Variants in ENTPD1 observed in about 807,000 individuals in gnomAD.
ENTPD1 encodes ectonucleoside triphosphate diphosphohydrolase 1.
In ENTPD1, 33 loss-of-function variants were observed where a neutral mutation model predicts 57.0. The observed-to-expected ratio is 0.58, with a 90% CI of 0.44 to 0.77. The LOEUF is 0.77. ENTPD1 is among the 30% of genes least tolerant of loss of function. The probability of loss-of-function intolerance (pLI) is 0.00; values close to 1 mark genes in which losing one functional copy is unlikely to be tolerated. For synonymous variants in ENTPD1, 202 were observed against 218.8 expected (o/e 0.92, Z 0.68); for missense variants, 501 against 603.4 (o/e 0.83, Z 1.78).
At chr10:95,801,642 T>C (rs1308587493) in intron 1 of ENTPD1, among the ~76,000 whole-genome samples, 1 of 152,090 alleles carries the variant, frequency 6.6e-6, no homozygotes, top group Non-Finnish European at 1.5e-5. Flanking sequence ...TCTCTGCTTA[T>C]TGTAACCTCT....
the ENTPD1 span, among the ~76,000 whole-genome samples, chr10:95,703,872 C>T: frequency 6.6e-6 from 1 of 151,204 alleles, no homozygotes; most frequent in Non-Finnish European, 1.5e-5. Flanking sequence ...GGGTGGATCC[C>T]CTGAGGTCAG....
chr10:95,702,674 A>G, the ENTPD1 span, among the ~76,000 whole-genome samples: 9 of 152,254 alleles, frequency 5.9e-5, no homozygotes, highest in African/African-American at 2.2e-4. Context: ...GATAAATTTA[A>G]AAGAAAATAA....
intron 8 of ENTPD1, among the ~76,000 whole-genome samples, chr10:95,863,514 AATCAAAGG>A (rs2098468916): frequency 6.6e-6 from 1 of 152,236 alleles, no homozygotes; most frequent in Non-Finnish European, 1.5e-5. Context: ...CAGAGGAATC[AATCAAAGG>A]ATAATTTCCA....
rs575356289 is a variant in ENTPD1 at position 95,820,744 on chromosome 10, A to T, written c.17-2493A>T. Among the ~76,000 whole-genome samples the T allele has an allele frequency of 2.0e-5, 3 of 152,218 alleles. No individual in the cohort carries two copies. In the East Asian group the frequency reaches 5.8e-4, roughly 29 times the overall value. On this transcript the variant is annotated intron_variant, in intron 1 of 9. Transcript: ENST00000371205. ...CACTCTATCAAGTTCCTTGGTTTGA[A>T]TTTCTTCTTAGCACATATTGTGACC...
intron 2 of ENTPD1, among the ~76,000 whole-genome samples, chr10:95,824,588 T>C (rs1270351124): frequency 6.6e-6 from 1 of 152,214 alleles, no homozygotes; most frequent in Non-Finnish European, 1.5e-5. Context: ...TGAAGCCTCA[T>C]GACATCTTGG....
At chr10:95,853,967 C>T (rs1222388408) in intron 7 of ENTPD1, among the ~76,000 whole-genome samples, 3 of 152,168 alleles carry the variant, frequency 2.0e-5, no homozygotes, top group African/African-American at 7.2e-5. Flanking sequence ...AGGGCAGATT[C>T]CCTCTTTTTC....
chr10:95,771,322 A>G (rs1396861830), intron 1 of ENTPD1, among the ~76,000 whole-genome samples: 1 of 152,202 alleles, frequency 6.6e-6, no homozygotes, highest in Non-Finnish European at 1.5e-5. Context: ...ATATATAATT[A>G]TATTATAACT....
rs754880507 is a variant in ENTPD1, at chr10:95,770,228, T to TGAGA, written c.16+13987_16+13990dup. 1.0e-4 allele frequency among the ~76,000 whole-genome samples: 11 copies of TGAGA among 106,292 alleles called. No individual in the cohort carries two copies. In the East Asian group the frequency reaches 2.0e-3, roughly 20 times the overall value. 69.7% of individuals were successfully genotyped at this position (106,292 alleles called of 152,430 possible). A position where few individuals can be genotyped will look rare whatever the true frequency, so the allele number is the denominator to read the frequency against. ...AGGAAGAGAAACCGTCCAAGAAGAT[T>TGAGA]GAGAGAGAGAGAGAGAGTGAGTGAG... On this transcript the variant is annotated intron_variant, in intron 1 of 9. Transcript: ENST00000371205.
chr10:95,700,508 G>A, the ENTPD1 span, among the ~76,000 whole-genome samples: 1 of 152,070 alleles, frequency 6.6e-6, no homozygotes, highest in Non-Finnish European at 1.5e-5. Context: ...GCAACATAGT[G>A]AGACTCCGTT....
intron 1 of ENTPD1, among the ~76,000 whole-genome samples, chr10:95,817,435 T>C (rs2098333826): frequency 6.6e-6 from 1 of 152,184 alleles, no homozygotes; most frequent in Admixed American, 6.5e-5. Context: ...TCCAGTGACT[T>C]CAACAGCCCC....
chr10:95,835,529 G>A (rs914839971), intron 2 of ENTPD1, among the ~76,000 whole-genome samples: 2 of 152,116 alleles, frequency 1.3e-5, no homozygotes, highest in African/African-American at 4.8e-5. Context: ...TCTTTTCACA[G>A]GGCTGAATAA....
chr10:95,842,580 T>C, intron 4 of ENTPD1, 86 bp downstream of exon 4: 1 of 1,475,366 alleles, frequency 6.8e-7, no homozygotes. Context: ...AGGGCCACAC[T>C]CCCTAATACC....
intron 1 of ENTPD1, among the ~76,000 whole-genome samples, chr10:95,741,964 C>T (rs1227749110): frequency 6.6e-6 from 1 of 152,182 alleles, no homozygotes; most frequent in African/African-American, 2.4e-5. Flanking sequence ...AGATTTGTCA[C>T]CCCTGGCTGA....
chr10:95,831,573 A>T (rs1028091098), intron 2 of ENTPD1, among the ~76,000 whole-genome samples: 5 of 152,234 alleles, frequency 3.3e-5, no homozygotes. Flanking sequence ...TTTGCAGCTT[A>T]CCTGCCTTAG....
chr10:95,846,683 G>A (rs1303360039), intron 6 of ENTPD1, among the ~76,000 whole-genome samples: 1 of 152,048 alleles, frequency 6.6e-6, no homozygotes, highest in African/African-American at 2.4e-5. Context: ...AGTAGGTTGT[G>A]GGTTAGAAAT....
At chr10:95,861,989 C>A (rs948534974) in intron 8 of ENTPD1, among the ~76,000 whole-genome samples, 2 of 151,196 alleles carry the variant, frequency 1.3e-5, no homozygotes, top group Non-Finnish European at 2.9e-5. Flanking sequence ...GAGCAGGACT[C>A]CATCTCAAAA....
In ENTPD1 at chr10:95,842,324, T is replaced by C; in HGVS notation, c.263-20T>C. On this transcript the variant is annotated intron_variant, in intron 3 of 9. Transcript: ENST00000371205. ...ATAATTTTTTTTTAAAAGATTGTTA[T>C]CTTCTACATTTTTTCCTAGGTCCTG... The C allele has an allele frequency of 6.2e-7, 1 of 1,603,030 alleles. No homozygotes were observed. Among genetic ancestry groups the C allele is most frequent in the Non-Finnish European group, 8.5e-7 (1 of 1,170,376 alleles).
chr10:95,796,322 T>C (rs1400176028), intron 1 of ENTPD1, among the ~76,000 whole-genome samples: 3 of 152,138 alleles, frequency 2.0e-5, no homozygotes, highest in Non-Finnish European at 1.5e-5. Context: ...AAGGAGGGTA[T>C]TTCGTCCATC....
chr10:95,763,737 T>C (rs2098076596), intron 1 of ENTPD1, among the ~76,000 whole-genome samples: 1 of 152,206 alleles, frequency 6.6e-6, no homozygotes, highest in Admixed American at 6.5e-5. Flanking sequence ...TGGTAATTTG[T>C]TATAGCAGGC....
Sources: allele counts gnomAD v4.1 joint callset (sites outside exome capture counted in the v4.1 genomes callset), GRCh38; gene constraint gnomAD v4.1.1; transcripts MANE v1.5; gene names NCBI Gene and HGNC (gene_info 2026-07-23, HGNC 2026-07-21).